Variants in ZNF696 observed in about 807,000 individuals in gnomAD.
ZNF696 encodes zinc finger protein 696.
ZNF696 carries 10 observed loss-of-function variants against 12.3 expected under a neutral mutation model. The observed-to-expected ratio is 0.81, with a 90% CI of 0.50 to 1.38. The LOEUF is 1.38. Ranked by LOEUF, ZNF696 falls within the 40% of genes most tolerant of loss-of-function variation. The pLI, the probability that ZNF696 is intolerant of heterozygous loss-of-function variation, is 0.00. For synonymous variants in ZNF696, 304 were observed against 243.9 expected, an observed-to-expected ratio of 1.25 and a Z score of -2.29; for missense variants, 675 against 554.7, an observed-to-expected ratio of 1.22 and a Z score of -2.18.
At chr8:143,295,489 G>C (rs1257798133) in intron 2 of ZNF696, 1 of 687,604 alleles carries the variant, frequency 1.5e-6, no homozygotes, top group Non-Finnish European at 2.7e-6. Flanking sequence ...CACCACATCC[G>C]GCCCCACAGC....
chr8:143,294,617 C>A (rs1468524817), intron 2 of ZNF696, among the ~76,000 whole-genome samples: 1 of 152,140 alleles, frequency 6.6e-6, no homozygotes, highest in Non-Finnish European at 1.5e-5. Flanking sequence ...CTGCCCACCT[C>A]AGCCTCCCAA....
Position 143,296,881 on chromosome 8 carries a change from C to G in ZNF696, c.*81C>G. 2 of 1,256,152 alleles carry G rather than the reference C, an allele frequency of 1.6e-6. No individual in the cohort carries two copies. Among genetic ancestry groups the G allele is most frequent in the South Asian group, 3.9e-5 (2 of 51,164 alleles). The allele number at this position is 1,256,152 out of a possible 1,614,324, so 77.8% of individuals were successfully genotyped here. On this transcript the variant is annotated 3_prime_UTR_variant, in exon 3 of 3. Coordinates refer to ENST00000330143, the MANE Select transcript of ZNF696 (RefSeq NM_030895.3). Reference sequence around the variant, plus strand: ...GGGGGAGGCTCCTGTCCGCCCCGTGCGCGGTGAGGAAGTAACAGCCGGCTG... The same window carrying G: ...GGGGGAGGCTCCTGTCCGCCCCGTGGGCGGTGAGGAAGTAACAGCCGGCTG...
Position 143,296,139 on chromosome 8 carries a change from G to T in ZNF696, c.464G>T (p.Cys155Phe), listed in dbSNP as rs370322824. The T allele has an allele frequency of 9.9e-6, 16 of 1,609,526 alleles. No individual in the cohort carries two copies. Among genetic ancestry groups the T allele is most frequent in the Non-Finnish European group, 1.4e-5 (16 of 1,178,804 alleles). Residue 155 changes from cysteine to phenylalanine, a missense_variant, in exon 3 of 3, where the codon TGC becomes TTC. Transcript: ENST00000330143. ...CACTCGGGGGAGAAACCGTACGAGTGCAGCGACTGCGGGAAGGCCTTCATC... is the reference window on the plus strand; with the variant it reads ...CACTCGGGGGAGAAACCGTACGAGTTCAGCGACTGCGGGAAGGCCTTCATC... ...SIHSGEKPYECSDCGKAFIHS... is the reference protein window; with the variant it reads ...SIHSGEKPYEFSDCGKAFIHS...
Position 143,296,686 on chromosome 8 carries a change from C to A in ZNF696, c.1011C>A (p.Phe337Leu), listed in dbSNP as rs1281950250. 1.9e-6 allele frequency: 3 copies of A among 1,568,786 alleles called. No homozygotes were observed. The highest frequency in any genetic ancestry group is 2.6e-6 in the Non-Finnish European group (3 of 1,164,900). Residue 337 changes from phenylalanine (F) to leucine (L), a missense_variant, in exon 3 of 3, where the codon TTC becomes TTA. Physicochemically the swap from Phe to Leu is conservative, Grantham distance 22. Transcript: ENST00000330143. The stretch of plus-strand genomic sequence containing the variant: ...CGTTCCGGGCGCTGTCGGGCTTCTT[C>A]CGGCACCAGCGACTCCACACGGGCG... The part of the protein sequence containing the change: ...GRAFRALSGF[F>L]RHQRLHTGEK...
chr8:143,295,632 C>T, intron 2 of ZNF696, 108 bp from the exon 3 acceptor site: 1 of 1,248,100 alleles, frequency 8.0e-7, no homozygotes, highest in Non-Finnish European at 1.1e-6. Context: ...GTCTGTGGCA[C>T]ACTGACGTCA....
Position 143,295,748 on chromosome 8 carries a change from G to C in ZNF696, c.73G>C (p.Ala25Pro), listed in dbSNP as rs1175046535. ...TLMESLAAVKAAFLAQAPSGS... is the reference protein window; with the variant it reads ...TLMESLAAVKPAFLAQAPSGS... ...TCTGGCCTCTTTTTCAGCTGTGAAG[G>C]CTGCTTTCCTGGCGCAGGCCCCGAG... The change falls in exon 3 of 3, where the codon GCT (alanine) becomes CCT (proline). Residue 25 changes from alanine to proline, a missense_variant. Physicochemically the swap from Ala to Pro is conservative, Grantham distance 27. Coordinates refer to ENST00000330143, the MANE Select transcript of ZNF696 (RefSeq NM_030895.3). The C allele has an allele frequency of 2.5e-6, 4 of 1,595,492 alleles. No homozygotes were observed. Among genetic ancestry groups the C allele is most frequent in the Non-Finnish European group, 3.4e-6 (4 of 1,172,550 alleles).
chr8:143,298,570 C>T lies in ZNF696; in HGVS notation c.*1770C>T, dbSNP rs916511811. ...TCCCCAAGCACACAAGGAGAGTCAG[C>T]TGACTGAGGGCCAACAGAAACAGCA... On this transcript the variant is annotated 3_prime_UTR_variant, in exon 3 of 3. Transcript: ENST00000330143. 6.6e-6 allele frequency among the ~76,000 whole-genome samples: 1 copy of T among 152,052 alleles called. No individual in the cohort carries two copies. Among genetic ancestry groups the T allele is most frequent in the African/African-American group, 2.4e-5 (1 of 41,436 alleles).
Position 143,291,674 on chromosome 8 carries a change from C to G in ZNF696, c.-124C>G, listed in dbSNP as rs1337760685. 3 of 985,516 alleles carry G rather than the reference C, an allele frequency of 3.0e-6. No homozygotes were observed. In the African/African-American group the frequency reaches 5.2e-5, roughly 17 times the overall value. The allele number at this position is 985,516 out of a possible 1,614,324, so 61.0% of individuals were successfully genotyped here. A position where few individuals can be genotyped will look rare whatever the true frequency, so the allele number is the denominator to read the frequency against. On this transcript the variant is annotated 5_prime_UTR_variant, in exon 1 of 3. Coordinates refer to ENST00000330143, the MANE Select transcript of ZNF696 (RefSeq NM_030895.3). Reference sequence around the variant, plus strand: ...GAGCTGAGTCCCCGCTGCGCGTCTTCAGGCCTTTGTAAGTTGTCAAATTTC... The same window carrying G: ...GAGCTGAGTCCCCGCTGCGCGTCTTGAGGCCTTTGTAAGTTGTCAAATTTC...
rs1452738299 is a variant in ZNF696, at chr8:143,298,878, G to C, written c.*2078G>C. Among the ~76,000 whole-genome samples, 1 of 152,178 alleles carries C rather than the reference G, an allele frequency of 6.6e-6. No individual in the cohort carries two copies. Among genetic ancestry groups the C allele is most frequent in the Non-Finnish European group, 1.5e-5 (1 of 68,034 alleles). On this transcript the variant is annotated 3_prime_UTR_variant, in exon 3 of 3. Transcript: ENST00000330143. ...GTTCAAGACCAGCCTAGGCAACATAGGGCTGGGCACGGTGGCTCACGCCTG... is the reference window on the plus strand; with the variant it reads ...GTTCAAGACCAGCCTAGGCAACATACGGCTGGGCACGGTGGCTCACGCCTG...
rs1360461187 is a variant in ZNF696 at position 143,295,843 on chromosome 8, G to C, written c.168G>C (p.Glu56Asp). ...CTGCCGCAGAGGCAGGCGCTCCCGA[G>C]GGAGAGGGCCACAGAGGGGGGCCTC... ...TEPAAEAGAP[E>D]GEGHRGGPPR... The change falls in exon 3 of 3, where the codon GAG (glutamate) becomes GAC (aspartate). Residue 56 changes from glutamate to aspartate, a missense_variant. Glu to Asp is a conservative substitution (Grantham distance 45). Transcript: ENST00000330143. 1 of 1,586,578 alleles carries C rather than the reference G, an allele frequency of 6.3e-7. No homozygotes were observed. The highest frequency in any genetic ancestry group is 1.1e-5 in the South Asian group (1 of 88,490).
chr8:143,296,260 C>A lies in ZNF696; in HGVS notation c.585C>A (p.Asn195Lys). The A allele has an allele frequency of 6.3e-7, 1 of 1,598,248 alleles. No individual in the cohort carries two copies. Among genetic ancestry groups the A allele is most frequent in the Non-Finnish European group, 8.5e-7 (1 of 1,175,974 alleles). The stretch of plus-strand genomic sequence containing the variant: ...GCAAGGCCTTCGGCCAGAGCTTCAA[C>A]CTCCTCCGGCACCAGCGCGTGCACA... The part of the protein sequence containing the change: ...ECGKAFGQSF[N>K]LLRHQRVHTG... Residue 195 changes from asparagine (N) to lysine (K), a missense_variant, in exon 3 of 3, where the codon AAC becomes AAA. Asn to Lys is a moderately conservative substitution (Grantham distance 94). Transcript: ENST00000330143.
In ZNF696 at chr8:143,295,696, G is replaced by T. The variant is rs760270234; in HGVS notation, c.65-44G>T. The T allele has an allele frequency of 2.7e-6, 4 of 1,498,628 alleles. No individual in the cohort carries two copies. In the East Asian group the frequency reaches 7.3e-5, roughly 27 times the overall value. The allele number at this position is 1,498,628 out of a possible 1,614,324, so 92.8% of individuals were successfully genotyped here. ...ATTGCCAGAGCCACCCTCGACTCAC[G>T]TTCTCTTACATCTAAAATCGTTCCT... On this transcript the variant is annotated intron_variant, in intron 2 of 2. Coordinates refer to ENST00000330143, the MANE Select transcript of ZNF696 (RefSeq NM_030895.3).
In ZNF696 at chr8:143,296,552, T is replaced by C; in HGVS notation, c.877T>C (p.Phe293Leu). ...GCGCGTGCACACGGGGGAGCGGCCCTTCGCCTGCCAGGACTGCGGCCGCGC... is the reference window on the plus strand; with the variant it reads ...GCGCGTGCACACGGGGGAGCGGCCCCTCGCCTGCCAGGACTGCGGCCGCGC... ...HQRVHTGERP[F>L]ACQDCGRAFS... Residue 293 changes from phenylalanine (F) to leucine (L), a missense_variant, in exon 3 of 3, where the codon TTC (phenylalanine) becomes CTC (leucine). By Grantham distance (22) the Phe-to-Leu change is conservative. Coordinates refer to ENST00000330143, the MANE Select transcript of ZNF696 (RefSeq NM_030895.3). 6.2e-7 allele frequency: 1 copy of C among 1,600,328 alleles called. No homozygotes were observed. Among genetic ancestry groups the C allele is most frequent in the Non-Finnish European group, 8.5e-7 (1 of 1,177,542 alleles).
In ZNF696 at chr8:143,296,033, T is replaced by A. The variant is rs1469970717; in HGVS notation, c.358T>A (p.Trp120Arg). The A allele has an allele frequency of 2.5e-6, 4 of 1,594,860 alleles. No individual in the cohort carries two copies. Among genetic ancestry groups the A allele is most frequent in the Non-Finnish European group, 3.4e-6 (4 of 1,170,304 alleles). The change falls in exon 3 of 3, where the codon TGG (tryptophan) becomes AGG (arginine). Residue 120 changes from tryptophan to arginine, a missense_variant. Transcript: ENST00000330143. The part of the protein sequence containing the change: ...AGPGAEGGGS[W>R]KGRPFPCGAC... ...CCCCGGCGCAGAGGGCGGGGGCAGC[T>A]GGAAGGGGCGGCCTTTCCCGTGCGG...
rs780464352 is a variant in ZNF696 at position 143,296,765 on chromosome 8, C to T, written c.1090C>T (p.Leu364Phe). The stretch of plus-strand genomic sequence containing the variant: ...CCGCGCCTTCCGCCTGAGCTTCCAC[C>T]TCATCCAGCACCGGCGGGTGCATGG... ...CGRAFRLSFH[L>F]IQHRRVHGAE is the part of the protein sequence containing the mutation. Residue 364 changes from leucine (L) to phenylalanine (F), a missense_variant, in exon 3 of 3, where the codon CTC becomes TTC. Physicochemically the swap from Leu to Phe is conservative, Grantham distance 22 (BLOSUM62 0). Transcript: ENST00000330143. The T allele has an allele frequency of 2.1e-6, 3 of 1,460,314 alleles. No homozygotes were observed. The highest frequency in any genetic ancestry group is 2.7e-6 in the Non-Finnish European group (3 of 1,115,204). 90.5% of individuals were successfully genotyped at this position (1,460,314 alleles called of 1,614,324 possible). A position where few individuals can be genotyped will look rare whatever the true frequency, so the allele number is the denominator to read the frequency against.
At position 143,296,568 on chromosome 8, in the gene ZNF696, G is replaced by A; in HGVS notation, c.893G>A (p.Cys298Tyr). 2 of 1,596,494 alleles carry A rather than the reference G, an allele frequency of 1.3e-6. No homozygotes were observed. The highest frequency in any genetic ancestry group is 1.7e-6 in the Non-Finnish European group (2 of 1,176,118). The change falls in exon 3 of 3, where the codon TGC becomes TAC. Residue 298 changes from cysteine to tyrosine, a missense_variant. By Grantham distance (194) the Cys-to-Tyr change is radical. Transcript: ENST00000330143. ...TGERPFACQDCGRAFSRSSFL... is the reference protein window; with the variant it reads ...TGERPFACQDYGRAFSRSSFL... ...GAGCGGCCCTTCGCCTGCCAGGACTGCGGCCGCGCCTTCAGCCGCAGCTCC... is the reference window on the plus strand; with the variant it reads ...GAGCGGCCCTTCGCCTGCCAGGACTACGGCCGCGCCTTCAGCCGCAGCTCC...
chr8:143,293,653 G>A (rs1027788725), intron 2 of ZNF696, among the ~76,000 whole-genome samples: 11 of 152,194 alleles, frequency 7.2e-5, no homozygotes, highest in African/African-American at 2.7e-4. Context: ...CTTGGGGCCT[G>A]CAGGCTGGAT....
At position 143,299,364 on chromosome 8, in the gene ZNF696, A is replaced by G. The variant is rs560892419; in HGVS notation, c.*2564A>G. Reference sequence around the variant, plus strand: ...CCGGTTGTTGGGAAGAGGGTGTAAGATAGTGTTTAATTTGACTTTGATAAG... The same window carrying G: ...CCGGTTGTTGGGAAGAGGGTGTAAGGTAGTGTTTAATTTGACTTTGATAAG... On this transcript the variant is annotated 3_prime_UTR_variant, in exon 3 of 3. Transcript: ENST00000330143. Among the ~76,000 whole-genome samples the G allele has an allele frequency of 3.7e-4, 56 of 152,356 alleles. No individual in the cohort carries two copies. The highest frequency in any genetic ancestry group is 6.5e-4 in the Non-Finnish European group (44 of 68,036).
Position 143,291,628 on chromosome 8 carries a change from G to T in ZNF696, c.-170G>T. 1 of 985,464 alleles carries T rather than the reference G, an allele frequency of 1.0e-6. No homozygotes were observed. Among genetic ancestry groups the T allele is most frequent in the South Asian group, 4.7e-5 (1 of 21,290 alleles). The allele number at this position is 985,464 out of a possible 1,614,324, so 61.0% of individuals were successfully genotyped here. On this transcript the variant is annotated 5_prime_UTR_variant, in exon 1 of 3. Transcript: ENST00000330143. ...CCCTGCAGGTGCGTACCCGGGGTCC[G>T]ACACGTGCGGGGCTTCCTGCGAGCT...
Sources: allele counts gnomAD v4.1 joint callset (sites outside exome capture counted in the v4.1 genomes callset), GRCh38; gene constraint gnomAD v4.1.1; transcripts MANE v1.5; gene names NCBI Gene and HGNC (gene_info 2026-07-23, HGNC 2026-07-21).